Variants in ZNF676 observed in about 807,000 individuals in gnomAD.
ZNF676 encodes zinc finger protein 676.
In ZNF676, 4 loss-of-function variants were observed where a neutral mutation model predicts 6.0. The ratio of observed to expected loss-of-function variants is 0.67; its 90% confidence interval spans 0.33 to 1.53. The LOEUF (loss-of-function observed/expected upper bound fraction) is 1.53. Among genes scored for constraint, ZNF676 ranks in the 40% most tolerant of loss-of-function variants. The pLI is 0.06. For missense variants in ZNF676, 644 were observed against 679.7 expected (o/e 0.95, Z 0.58); for synonymous variants, 198 against 223.1 (o/e 0.89, Z 1.00).
chr19:22,247,157 G>C, the ZNF676 span, among the ~76,000 whole-genome samples: 1 of 152,168 alleles, frequency 6.6e-6, no homozygotes, highest in African/African-American at 2.4e-5. Flanking sequence ...ATGGGATTGG[G>C]TTAGAGGCCC....
the ZNF676 span, among the ~76,000 whole-genome samples, chr19:22,235,051 C>T: frequency 7.2e-6 from 1 of 137,982 alleles, no homozygotes; most frequent in East Asian, 2.1e-4. Context: ...AGAAGGAAGG[C>T]AGAAAGGCAG....
chr19:22,238,798 A>G, the ZNF676 span, among the ~76,000 whole-genome samples: 1 of 152,328 alleles, frequency 6.6e-6, no homozygotes, highest in Middle Eastern at 3.4e-3. Context: ...AAGGGCAGGA[A>G]GCATCCAGCA....
the ZNF676 span, among the ~76,000 whole-genome samples, chr19:22,221,751 A>C: frequency 5.3e-5 from 8 of 151,042 alleles, no homozygotes; most frequent in Non-Finnish European, 4.4e-5. Flanking sequence ...ACTGTCACAA[A>C]AAAAAAAAAC....
the ZNF676 span, among the ~76,000 whole-genome samples, chr19:22,223,612 T>C: frequency 2.0e-5 from 3 of 152,008 alleles, no homozygotes; most frequent in Non-Finnish European, 4.4e-5. Context: ...GATTCAGACA[T>C]TTAGGATAAT....
upstream of ZNF676, among the ~76,000 whole-genome samples, chr19:22,216,655 G>C (rs1416443704): frequency 1.3e-5 from 2 of 149,318 alleles, no homozygotes; most frequent in African/African-American, 2.5e-5. Flanking sequence ...TGTTTTTTGA[G>C]ACGAGTCTTG....
upstream of ZNF676, among the ~76,000 whole-genome samples, chr19:22,200,146 T>C: frequency 6.6e-6 from 1 of 152,246 alleles, no homozygotes. Context: ...CTTACTTAAG[T>C]AAACTTAAAT....
chr19:22,259,987 C>T, the ZNF676 span, among the ~76,000 whole-genome samples: 15 of 151,898 alleles, frequency 9.9e-5, no homozygotes, highest in South Asian at 2.7e-3. Flanking sequence ...TGTGATATGC[C>T]GCAATCCAAT....
At chr19:22,184,826 G>GA (rs144833243) in intron 2 of ZNF676, among the ~76,000 whole-genome samples, 6,800 of 52,624 alleles carry the variant, frequency 0.13, 1,159 homozygotes, top group East Asian at 0.19. Flanking sequence ...GGGCATCTTT[G>GA]AAAAAAAAAA....
chr19:22,244,125 C>T, the ZNF676 span: 2 of 151,350 alleles, frequency 1.3e-5, no homozygotes, highest in Non-Finnish European at 2.9e-5. Flanking sequence ...CTCACTGCAA[C>T]CTCTGCCTCC....
At chr19:22,235,023 AG>A in the ZNF676 span, among the ~76,000 whole-genome samples, 1 of 83,310 alleles carries the variant, frequency 1.2e-5, no homozygotes, top group Non-Finnish European at 2.5e-5. Flanking sequence ...AAAGAAAGAA[AG>A]AAAGAAAGAA....
chr19:22,181,026 C>A lies in ZNF676; in HGVS notation c.691G>T (p.Gly231Cys). ...ATTGAGGATCGATTAAAAGCTTTGCCACATTCTTCACATTTGTAGGGTTTC... is the reference window on the plus strand; with the variant it reads ...ATTGAGGATCGATTAAAAGCTTTGCAACATTCTTCACATTTGTAGGGTTTC... ...GEKPYKCEEC[G>C]KAFNRSSILT... The change falls in exon 3 of 3, where the codon GGC becomes TGC. Residue 231 changes from glycine to cysteine, a missense_variant. This residue lies in a region of ZNF676 where 280 missense variants were observed against 269.3 expected (regional missense o/e 1.04). Transcript: ENST00000397121. 3 of 1,570,688 alleles carry A rather than the reference C, an allele frequency of 1.9e-6. No individual in the cohort carries two copies. Among genetic ancestry groups the A allele is most frequent in the Non-Finnish European group, 2.6e-6 (3 of 1,151,442 alleles).
chr19:22,216,185 A>G (rs2024187346), upstream of ZNF676, among the ~76,000 whole-genome samples: 1 of 152,206 alleles, frequency 6.6e-6, no homozygotes, highest in Admixed American at 6.5e-5. Context: ...CTTTAATCCC[A>G]TCAGTTTGGG....
At chr19:22,246,716 A>G in the ZNF676 span, among the ~76,000 whole-genome samples, 2 of 152,236 alleles carry the variant, frequency 1.3e-5, no homozygotes, top group Non-Finnish European at 2.9e-5. Context: ...AACGTATCAC[A>G]ATTACCCTAG....
the ZNF676 span, among the ~76,000 whole-genome samples, chr19:22,253,504 G>GTA: frequency 2.1e-5 from 3 of 142,826 alleles, no homozygotes; most frequent in Admixed American, 7.4e-5. Context: ...ATGATAATGT[G>GTA]TATATATATG....
intron 1 of ZNF676, among the ~76,000 whole-genome samples, chr19:22,202,480 T>C (rs371954970): frequency 6.6e-6 from 1 of 152,158 alleles, no homozygotes; most frequent in East Asian, 1.9e-4. Context: ...CCATCTATAG[T>C]AAAGCTTAGT....
chr19:22,255,649 T>C, the ZNF676 span, among the ~76,000 whole-genome samples: 1 of 151,976 alleles, frequency 6.6e-6, no homozygotes, highest in Non-Finnish European at 1.5e-5. Context: ...ATCGAGACCA[T>C]CCTGGCTAAC....
chr19:22,183,630 A>G (rs9304995), intron 2 of ZNF676, among the ~76,000 whole-genome samples: 102,956 of 151,964 alleles, frequency 0.68, 35,219 homozygotes, highest in South Asian at 0.84. Context: ...ACGAGCCGCC[A>G]TGCCCAGGTT....
chr19:22,241,511 C>G, the ZNF676 span, among the ~76,000 whole-genome samples: 6 of 151,840 alleles, frequency 4.0e-5, no homozygotes, highest in African/African-American at 1.2e-4. Context: ...GATTCAGAGC[C>G]TCAACTGTGG....
At chr19:22,185,567 G>T (rs1288316171) in intron 2 of ZNF676, among the ~76,000 whole-genome samples, 1 of 151,712 alleles carries the variant, frequency 6.6e-6, no homozygotes, top group Non-Finnish European at 1.5e-5. Flanking sequence ...TCAGAGGTGG[G>T]TAATAACAAA....
Sources: allele counts gnomAD v4.1 joint callset (sites outside exome capture counted in the v4.1 genomes callset), GRCh38; gene constraint gnomAD v4.1.1; regional missense constraint gnomAD v4.1.1; transcripts MANE v1.5; gene names NCBI Gene and HGNC (gene_info 2026-07-23, HGNC 2026-07-21).